Variants in PLXNA2 observed in about 807,000 individuals in gnomAD.
The protein encoded by PLXNA2 is plexin-A2.
A neutral mutation model predicts 193.5 loss-of-function variants in PLXNA2; 91 were observed. The observed-to-expected ratio is 0.47, with a 90% CI of 0.40 to 0.56. The LOEUF is 0.56. PLXNA2 is among the 20% of genes least tolerant of loss of function. PLXNA2 has a pLI of 0.00. For missense variants in PLXNA2, 1,995 were observed against 2,503.2 expected, an observed-to-expected ratio of 0.80 and a Z score of 4.33; for synonymous variants, 997 against 1,027.3, an observed-to-expected ratio of 0.97 and a Z score of 0.56.
At chr1:208,034,298 C>G (rs940477338) in intron 27 of PLXNA2, among the ~76,000 whole-genome samples, 195 bp downstream of exon 27, 2 of 152,120 alleles carry the variant, frequency 1.3e-5, no homozygotes, top group African/African-American at 2.4e-5. Flanking sequence ...ATGGTGCCAC[C>G]TGCTCCCACG....
chr1:208,170,321 C>T lies in PLXNA2; in HGVS notation c.1372-27858G>A, dbSNP rs571899727. Among the ~76,000 whole-genome samples the T allele has an allele frequency of 1.8e-4, 27 of 152,318 alleles. No individual in the cohort carries two copies. The South Asian group carries it at 2.7e-3, about 15-fold the overall frequency. The stretch of plus-strand genomic sequence containing the variant: ...AAATGAAAGAAGCATTAAACAAAGA[C>T]CAGCCTGCCTTGAAGCAGTCATTTG... On this transcript the variant is annotated intron_variant, in intron 3 of 31. Coordinates refer to ENST00000367033, the MANE Select transcript of PLXNA2 (RefSeq NM_025179.4).
intron 4 of PLXNA2, among the ~76,000 whole-genome samples, chr1:208,134,019 A>G (rs1668232494): frequency 6.6e-6 from 1 of 152,230 alleles, no homozygotes; most frequent in Non-Finnish European, 1.5e-5. Context: ...TCCCTCATCA[A>G]GGATTAGAGA....
At chr1:208,188,098 T>G (rs1015718058) in intron 3 of PLXNA2, among the ~76,000 whole-genome samples, 11 of 152,132 alleles carry the variant, frequency 7.2e-5, no homozygotes, top group African/African-American at 2.7e-4. Flanking sequence ...TTTATGAGAA[T>G]GGAGCCCCCA....
intron 27 of PLXNA2, 21 bp downstream of exon 27, chr1:208,034,472 G>C: frequency 6.6e-7 from 1 of 1,515,708 alleles, no homozygotes; most frequent in South Asian, 1.1e-5. Context: ...GAGCTGCCCA[G>C]TCTGCCCTCG....
chr1:208,159,714 A>G (rs374442028), intron 3 of PLXNA2, among the ~76,000 whole-genome samples: 4 of 152,332 alleles, frequency 2.6e-5, no homozygotes, highest in African/African-American at 9.6e-5. Context: ...AAATAACCTC[A>G]GGAGGGCCGG....
chr1:208,171,665 AGAGT>A (rs1382069062), intron 3 of PLXNA2, among the ~76,000 whole-genome samples: 2 of 152,168 alleles, frequency 1.3e-5, no homozygotes, highest in Non-Finnish European at 2.9e-5. Flanking sequence ...TCTGGGTAAC[AGAGT>A]GAGACCCTGT....
Position 208,029,299 on chromosome 1 carries a change from G to C in PLXNA2, c.5226-257C>G, listed in dbSNP as rs937812127. Reference sequence around the variant, plus strand: ...ACATCCGAGGGGTGGGCCTGGGTGTGTTCTGTTCCCTTCTGGGAGACTTTT... The same window carrying C: ...ACATCCGAGGGGTGGGCCTGGGTGTCTTCTGTTCCCTTCTGGGAGACTTTT... On this transcript the variant is annotated intron_variant, in intron 29 of 31. Coordinates refer to ENST00000367033, the MANE Select transcript of PLXNA2 (RefSeq NM_025179.4). 6.2e-6 allele frequency: 8 copies of C among 1,299,298 alleles called. No individual in the cohort carries two copies. The African/African-American group carries it at 1.2e-4, about 20-fold the overall frequency. 80.5% of individuals were successfully genotyped at this position (1,299,298 alleles called of 1,614,324 possible).
intron 3 of PLXNA2, among the ~76,000 whole-genome samples, chr1:208,190,371 T>A (rs1164776374): frequency 6.6e-6 from 1 of 152,228 alleles, no homozygotes; most frequent in African/African-American, 2.4e-5. Context: ...ATTATGTGAA[T>A]AAATGGGAAA....
At chr1:208,121,164 G>A (rs971950116) in intron 4 of PLXNA2, among the ~76,000 whole-genome samples, 2 of 152,076 alleles carry the variant, frequency 1.3e-5, no homozygotes, top group Non-Finnish European at 2.9e-5. Flanking sequence ...TTCCATCCCC[G>A]GGGAAACCTA....
In PLXNA2 at chr1:208,079,139, C is replaced by CA. The variant is rs3215839; in HGVS notation, c.2586+120dup. The CA allele has an allele frequency of 4.2e-3, 3,375 of 805,400 alleles. 79 individuals carry two copies. Among genetic ancestry groups the CA allele is most frequent in the East Asian group, 0.041 (1,573 of 38,318 alleles). 49.9% of individuals were successfully genotyped at this position (805,400 alleles called of 1,614,324 possible). A position where few individuals can be genotyped will look rare whatever the true frequency, so the allele number is the denominator to read the frequency against. On this transcript the variant is annotated intron_variant, in intron 12 of 31. Transcript: ENST00000367033. Reference sequence around the variant, plus strand: ...ACGCGAGAGGTTTCCTACACCCCCCCACATTAAACTCACTGTACGCCAATA... The same window carrying CA: ...ACGCGAGAGGTTTCCTACACCCCCCCAACATTAAACTCACTGTACGCCAATA...
chr1:208,134,765 G>A (rs1289319870), intron 4 of PLXNA2, among the ~76,000 whole-genome samples: 1 of 152,126 alleles, frequency 6.6e-6, no homozygotes, highest in Admixed American at 6.5e-5. Flanking sequence ...AAGCCTTATC[G>A]CCTGGACTAA....
chr1:208,046,307 T>C (rs1318132806), intron 17 of PLXNA2, among the ~76,000 whole-genome samples, 190 bp from the exon 18 acceptor site: 1 of 152,190 alleles, frequency 6.6e-6, no homozygotes, highest in Non-Finnish European at 1.5e-5. Context: ...CATTTTAGCT[T>C]CTTCATTAAT....
At chr1:208,211,537 C>CA (rs1209082884) in intron 2 of PLXNA2, among the ~76,000 whole-genome samples, 7 of 151,836 alleles carry the variant, frequency 4.6e-5, no homozygotes, top group South Asian at 2.1e-4. Context: ...ACTAAAAATA[C>CA]AAAAAATTAG....
chr1:208,152,683 G>GCGCACACACACA (rs1180715861), intron 3 of PLXNA2, among the ~76,000 whole-genome samples: 1 of 140,264 alleles, frequency 7.1e-6, no homozygotes, highest in Admixed American at 7.1e-5. Flanking sequence ...ACACACACAC[G>GCGCACACACACA]CACACACACA....
intron 1 of PLXNA2, among the ~76,000 whole-genome samples, chr1:208,224,949 T>C (rs1234444021): frequency 6.6e-6 from 1 of 151,798 alleles, no homozygotes; most frequent in African/African-American, 2.4e-5. Flanking sequence ...AACCAAGGAG[T>C]AAGAGATGGA....
At chr1:208,155,808 G>A (rs1196423333) in intron 3 of PLXNA2, among the ~76,000 whole-genome samples, 4 of 152,108 alleles carry the variant, frequency 2.6e-5, no homozygotes, top group South Asian at 2.1e-4. Flanking sequence ...GGTGTGGTGG[G>A]GTGTGCAGGG....
chr1:208,239,492 C>T (rs1257510619), intron 1 of PLXNA2, among the ~76,000 whole-genome samples: 2 of 152,254 alleles, frequency 1.3e-5, no homozygotes, highest in East Asian at 1.9e-4. Flanking sequence ...TCTTGATCTA[C>T]ATCTTCCATC....
intron 3 of PLXNA2, among the ~76,000 whole-genome samples, chr1:208,204,261 C>T (rs2590697): frequency 0.043 from 6,487 of 152,220 alleles, 182 homozygotes; most frequent in East Asian, 0.1. Flanking sequence ...GTGGGGGAAG[C>T]AGTGGTTCCC....
chr1:208,088,487 C>A (rs1231095763), intron 9 of PLXNA2, among the ~76,000 whole-genome samples: 1 of 152,262 alleles, frequency 6.6e-6, no homozygotes, highest in Non-Finnish European at 1.5e-5. Flanking sequence ...ATCTACATCT[C>A]ACTAGGCCTG....
Sources: gnomAD v4.1 joint callset for allele counts (sites outside exome capture counted in the v4.1 genomes callset) on GRCh38, gnomAD v4.1.1 for gene constraint, MANE v1.5 for transcripts, NCBI Gene and HGNC (gene_info 2026-07-23, HGNC 2026-07-21) for gene names.